Variants in ERCC6L2 observed in about 807,000 individuals in gnomAD.
ERCC6L2 encodes the protein ERCC excision repair 6 like 2, also known as DNA excision repair protein ERCC-6-like 2.
A neutral mutation model predicts 132.0 loss-of-function variants in ERCC6L2; 77 were observed. That is an observed-to-expected ratio of 0.58 (90% CI 0.49 to 0.71). ERCC6L2 has a LOEUF of 0.71. Ranked by LOEUF, ERCC6L2 falls within the 30% of genes least tolerant of loss-of-function variation. The pLI, the probability that ERCC6L2 is intolerant of heterozygous loss-of-function variation, is 0.00. For missense variants in ERCC6L2, 1,542 were observed against 1,837.6 expected (o/e 0.84, Z 2.94); for synonymous variants, 583 against 632.4 (o/e 0.92, Z 1.17).
intron 19 of ERCC6L2, chr9:96,027,659 A>C (rs976611334): frequency 1.3e-5 from 2 of 152,156 alleles, no homozygotes; most frequent in Non-Finnish European, 2.9e-5. Flanking sequence ...GCCACTCCAC[A>C]TGCACCTTCT....
rs1274242406 is a variant in ERCC6L2, at chr9:96,015,420, G to A, written c.*2217G>A. Among the ~76,000 whole-genome samples, 2 of 151,698 alleles carry A rather than the reference G, an allele frequency of 1.3e-5. No individual in the cohort carries two copies. The highest frequency in any genetic ancestry group is 6.6e-5 in the Admixed American group (1 of 15,250). On this transcript the variant is annotated 3_prime_UTR_variant, in exon 19 of 19. Transcript: ENST00000653738. The stretch of plus-strand genomic sequence containing the variant: ...CCAGGCTGGTCTCAATCTCCTGGCT[G>A]CAAGCGATCCACCTGCCTTGTCCTC...
chr9:95,929,347 C>G (rs1402897309), intron 11 of ERCC6L2, among the ~76,000 whole-genome samples: 3 of 152,116 alleles, frequency 2.0e-5, no homozygotes, highest in African/African-American at 7.2e-5. Flanking sequence ...TGGTTCTAAC[C>G]CCTATGTATG....
intron 6 of ERCC6L2, chr9:95,918,515 A>C (rs887289715): frequency 1.2e-5 from 6 of 496,766 alleles, no homozygotes; most frequent in Non-Finnish European, 2.4e-5. Flanking sequence ...CAACATACCT[A>C]CTTGCTAAAG....
intron 3 of ERCC6L2, 26 bp from the exon 4 acceptor site, chr9:95,907,052 G>C (rs1030196072): frequency 1.3e-6 from 2 of 1,563,272 alleles, no homozygotes; most frequent in African/African-American, 2.8e-5. Context: ...TTAAAAAACA[G>C]CAAAATTTTT....
At chr9:95,925,087 T>C (rs957286648) in intron 9 of ERCC6L2, among the ~76,000 whole-genome samples, 8 of 152,204 alleles carry the variant, frequency 5.3e-5, no homozygotes, top group Non-Finnish European at 1.0e-4. Flanking sequence ...AAAAGATCTT[T>C]GTTTAGCTTG....
chr9:95,978,138 C>T lies in ERCC6L2; in HGVS notation c.3415C>T (p.Arg1139Ter), dbSNP rs369124504. The T allele has an allele frequency of 1.6e-5, 22 of 1,367,172 alleles. No individual in the cohort carries two copies. Among genetic ancestry groups the T allele is most frequent in the South Asian group, 4.5e-5 (4 of 88,018 alleles). The allele number at this position is 1,367,172 out of a possible 1,614,324, so 84.7% of individuals were successfully genotyped here. A position where few individuals can be genotyped will look rare whatever the true frequency, so the allele number is the denominator to read the frequency against. ...GSSKAENHMSRWAAHDVFELK... is the reference protein window; with the variant it reads ...GSSKAENHMS ...GAGCAAAGCTGAAAATCACATGAGC[C>T]GATGGGCAGCACATGACGTATTTGA... Residue 1139 changes from arginine to a stop codon, truncating the protein, a stop_gained, in exon 17 of 19, where the codon CGA (arginine) becomes TGA (stop). Transcript: ENST00000653738. LOFTEE classifies it high-confidence loss of function.
chr9:95,941,664 T>C (rs1830808647), intron 12 of ERCC6L2, 115 bp downstream of exon 12: 3 of 720,236 alleles, frequency 4.2e-6, no homozygotes, highest in Non-Finnish European at 6.9e-6. Flanking sequence ...GGGAAACTGG[T>C]AAAAACGTAC....
At position 95,972,346 on chromosome 9, in the gene ERCC6L2, AAGTG is replaced by A; in HGVS notation, c.2598_2601del (p.Ser866ArgfsTer4). The A allele has an allele frequency of 7.8e-7, 1 of 1,286,868 alleles. No individual in the cohort carries two copies. Among genetic ancestry groups the A allele is most frequent in the Non-Finnish European group, 1.0e-6 (1 of 984,960 alleles). 79.7% of individuals were successfully genotyped at this position (1,286,868 alleles called of 1,614,324 possible). The stretch of plus-strand genomic sequence containing the variant: ...CAAAAGAAAAGCATATTTTTTATAA[AAGTG>A]AGAAGATTTTAGAACAGAATATTTC... On this transcript the variant is annotated frameshift_variant, in exon 16 of 19. Coordinates refer to ENST00000653738, the MANE Select transcript of ERCC6L2 (RefSeq NM_020207.7). LOFTEE classifies it high-confidence loss of function.
chr9:96,033,003 G>A (rs532912474), intron 19 of ERCC6L2, among the ~76,000 whole-genome samples: 1 of 152,186 alleles, frequency 6.6e-6, no homozygotes, highest in Non-Finnish European at 1.5e-5. Context: ...TTAGCAGCCT[G>A]TACCAGTGGT....
chr9:95,890,543 A>G (rs1002304205), intron 2 of ERCC6L2, among the ~76,000 whole-genome samples: 28 of 152,270 alleles, frequency 1.8e-4, no homozygotes, highest in African/African-American at 6.7e-4. Flanking sequence ...AAACCATCCT[A>G]TTTTTCATCT....
chr9:95,893,704 T>C (rs1828288788), intron 2 of ERCC6L2, among the ~76,000 whole-genome samples: 1 of 152,166 alleles, frequency 6.6e-6, no homozygotes, highest in Admixed American at 6.5e-5. Context: ...TTCCTCTAAA[T>C]TTTACATTTA....
In ERCC6L2 at chr9:96,014,850, T is replaced by C. The variant is rs944406056; in HGVS notation, c.*1647T>C. On this transcript the variant is annotated 3_prime_UTR_variant, in exon 19 of 19. Transcript: ENST00000653738. ...TATGGTCCTTGATAGACTTGACTTG[T>C]AGATGTTTTCAGCCTACAATGTGAT... 5.3e-5 allele frequency among the ~76,000 whole-genome samples: 8 copies of C among 152,162 alleles called. No homozygotes were observed. The highest frequency in any genetic ancestry group is 1.9e-4 in the African/African-American group (8 of 41,438).
chr9:95,991,132 G>T (rs1265582741), intron 17 of ERCC6L2, among the ~76,000 whole-genome samples: 1 of 151,892 alleles, frequency 6.6e-6, no homozygotes, highest in East Asian at 1.9e-4. Flanking sequence ...GCCCAGGATG[G>T]GGGTAAGGGG....
intron 12 of ERCC6L2, among the ~76,000 whole-genome samples, chr9:95,941,832 C>G (rs1290941170): frequency 2.6e-5 from 4 of 152,088 alleles, no homozygotes; most frequent in African/African-American, 9.7e-5. Flanking sequence ...ACTAGTAGAT[C>G]AGAAGTTTTG....
downstream of ERCC6L2, among the ~76,000 whole-genome samples, chr9:96,022,795 G>C: frequency 6.6e-6 from 1 of 152,140 alleles, no homozygotes; most frequent in South Asian, 2.1e-4. Context: ...GGGCAAGATG[G>C]AGCAGTCTCC....
At chr9:95,922,174 A>T (rs1053459316) in intron 7 of ERCC6L2, 131 bp from the exon 8 acceptor site, 2 of 532,268 alleles carry the variant, frequency 3.8e-6, no homozygotes, top group Non-Finnish European at 6.6e-6. Context: ...ATAGTTGACC[A>T]TCATTTTCTT....
chr9:95,987,927 C>T (rs949656565), intron 17 of ERCC6L2, among the ~76,000 whole-genome samples: 10 of 152,230 alleles, frequency 6.6e-5, no homozygotes, highest in African/African-American at 2.4e-4. Flanking sequence ...TTCTTGACTT[C>T]TGTGCACCCA....
rs150328847 is a variant in ERCC6L2, at chr9:95,916,416, G to C, written c.1140G>C (p.Leu380Phe). Residue 380 changes from leucine (L) to phenylalanine (F), a missense_variant, in exon 6 of 19, where the codon TTG (leucine) becomes TTC (phenylalanine). By Grantham distance (22) the Leu-to-Phe change is conservative (BLOSUM62 0). Transcript: ENST00000653738. ...CCAAGACTCTTATCAAGGATCAGTT[G>C]CCTAAGAAGGAAGACCGGGTAAGAA... ...RRTKTLIKDQLPKKEDRMVYC... is the reference protein window; with the variant it reads ...RRTKTLIKDQFPKKEDRMVYC... The C allele has an allele frequency of 3.2e-4, 504 of 1,568,704 alleles. No homozygotes were observed. The African/African-American group carries it at 6.0e-3, about 19-fold the overall frequency.
intron 11 of ERCC6L2, among the ~76,000 whole-genome samples, chr9:95,940,017 C>T (rs1830724828): frequency 6.6e-6 from 1 of 152,172 alleles, no homozygotes; most frequent in Non-Finnish European, 1.5e-5. Flanking sequence ...GAGGGAAGTG[C>T]TTTACTACTG....
Sources: allele counts gnomAD v4.1 joint callset (sites outside exome capture counted in the v4.1 genomes callset), GRCh38; gene constraint gnomAD v4.1.1; transcripts MANE v1.5; gene names NCBI Gene and HGNC (gene_info 2026-07-23, HGNC 2026-07-21).